Variants in UNKL observed in about 807,000 individuals in gnomAD.
UNKL encodes the protein putative E3 ubiquitin-protein ligase UNKL.
Under a neutral mutation model 78.0 loss-of-function variants are expected in UNKL, and 60 were observed. That is an observed-to-expected ratio of 0.77 (90% CI 0.63 to 0.95). The LOEUF is 0.95. UNKL is among the 40% of genes least tolerant of loss of function. The pLI is 0.00. For synonymous variants in UNKL, 608 were observed against 474.8 expected, an observed-to-expected ratio of 1.28 and a Z score of -3.65; for missense variants, 1,159 against 1,045.7, an observed-to-expected ratio of 1.11 and a Z score of -1.49.
chr16:1,403,239 G>C lies in UNKL; in HGVS notation c.393C>G (p.Cys131Trp). ...CIHETDARGH[C>W]VKNGLHCAFA... is the part of the protein sequence containing the mutation. ...AGGCACAGTGCAGCCCATTCTTCAC[G>C]CAGTGGCCACGTGCGTCTGTCTCGT... The change falls in exon 3 of 15, where the codon TGC (cysteine) becomes TGG (tryptophan). Residue 131 changes from cysteine to tryptophan, a missense_variant. By Grantham distance (215) the Cys-to-Trp change is radical (BLOSUM62 -2). Coordinates refer to ENST00000389221, the MANE Select transcript of UNKL (RefSeq NM_001372107.1). The surrounding 1 kb of genome is among the most constrained non-coding windows in gnomAD (Gnocchi z 4.8). 6.2e-7 allele frequency: 1 copy of C among 1,614,120 alleles called. No homozygotes were observed. Among genetic ancestry groups the C allele is most frequent in the Non-Finnish European group, 8.5e-7 (1 of 1,180,016 alleles).
Position 1,385,399 on chromosome 16 carries a change from T to C in UNKL, c.1087-14A>G. On this transcript the variant is annotated splice_polypyrimidine_tract_variant and intron_variant, in intron 9 of 14. Coordinates refer to ENST00000389221, the MANE Select transcript of UNKL (RefSeq NM_001372107.1). ...GGCCAGGTGGTTCTGTTCAAAGACA[T>C]AAACACCGTGAGCGCGCACCCCCTG... The C allele has an allele frequency of 1.5e-6, 2 of 1,354,844 alleles. No individual in the cohort carries two copies. Among genetic ancestry groups the C allele is most frequent in the Non-Finnish European group, 1.9e-6 (2 of 1,054,184 alleles). 83.9% of individuals were successfully genotyped at this position (1,354,844 alleles called of 1,614,324 possible). A position where few individuals can be genotyped will look rare whatever the true frequency, so the allele number is the denominator to read the frequency against.
intron 10 of UNKL, chr16:1,379,004 G>T (rs563000763): frequency 1.3e-5 from 2 of 152,274 alleles, no homozygotes; most frequent in Non-Finnish European, 2.9e-5. Flanking sequence ...GGTGAGGCTG[G>T]TCACCTAAGC....
Position 1,413,899 on chromosome 16 carries a change from G to T in UNKL, c.234C>A (p.Asp78Glu). ...RRDGTFNYSP[D>E]VYCSKYNEAT... is the part of the protein sequence containing the mutation. Reference sequence around the variant, plus strand: ...CTTCGTTGTACTTGGAGCAGTACACGTCGGGGCTGTAGTTGAAGGTGCCGT... The same window carrying T: ...CTTCGTTGTACTTGGAGCAGTACACTTCGGGGCTGTAGTTGAAGGTGCCGT... The change falls in exon 2 of 15, where the codon GAC becomes GAA. Residue 78 changes from aspartate (D) to glutamate (E), a missense_variant. Asp to Glu is a conservative substitution (Grantham distance 45). Transcript: ENST00000389221. 2 of 1,558,812 alleles carry T rather than the reference G, an allele frequency of 1.3e-6. No homozygotes were observed. The highest frequency in any genetic ancestry group is 1.2e-5 in the South Asian group (1 of 84,676).
intron 10 of UNKL, chr16:1,379,635 T>C (rs997072853): frequency 2.0e-6 from 2 of 984,180 alleles, no homozygotes; most frequent in Admixed American, 6.2e-5. Context: ...CCGCCGCCAA[T>C]GCTGACTCAC....
chr16:1,406,181 AG>A (rs2037754358), intron 2 of UNKL: 5 of 388,088 alleles, frequency 1.3e-5, no homozygotes, highest in South Asian at 7.1e-5. Context: ...GGGTGATGGG[AG>A]GAACAGGCGT....
intron 10 of UNKL, among the ~76,000 whole-genome samples, chr16:1,381,121 C>T (rs776653148): frequency 5.9e-5 from 9 of 152,184 alleles, no homozygotes; most frequent in Non-Finnish European, 8.8e-5. Flanking sequence ...AGGTCAGCTA[C>T]GCGGATGCAG....
chr16:1,370,658 C>T (rs1261189573), intron 11 of UNKL, among the ~76,000 whole-genome samples: 2 of 152,362 alleles, frequency 1.3e-5, no homozygotes, highest in East Asian at 1.9e-4. Context: ...CAGGCCCTGC[C>T]GGCCAACTAA....
chr16:1,390,716 T>C (rs1012928882), intron 8 of UNKL, 22 bp from the exon 9 acceptor site: 1 of 1,535,568 alleles, frequency 6.5e-7, no homozygotes, highest in Non-Finnish European at 8.7e-7. Context: ...AAAACAGTCA[T>C]ATGTGGAAAA....
rs1453952695 is a variant in UNKL at position 1,370,308 on chromosome 16, C to T, written c.1407G>A (p.Leu469=). The T allele has an allele frequency of 2.0e-6, 3 of 1,533,704 alleles. No homozygotes were observed. Among genetic ancestry groups the T allele is most frequent in the Non-Finnish European group, 2.6e-6 (3 of 1,145,938 alleles). The change falls in exon 12 of 15, where the codon CTG becomes CTA. Residue 469 remains leucine, a synonymous_variant. Coordinates refer to ENST00000389221, the MANE Select transcript of UNKL (RefSeq NM_001372107.1). The part of the protein sequence containing the change: ...GSAPVAIPGS[L]PRAPSLHSPS... ...GCGAGTGTAGCGATGGTGCTCTGGG[C>T]AGGGAGCCGGGGATGGCGACAGGTG...
chr16:1,370,238 G>A lies in UNKL; in HGVS notation c.1477C>T (p.Leu493Phe), dbSNP rs1274931081. ...TSPLGSLSQP[L>F]PGPVGSSAMT... ...GCTGAGGAGCCCACCGGCCCTGGGA[G>A]GGGCTGGGACAGCGAACCGAGCGGC... is the stretch of plus-strand genomic sequence containing the variant. The change falls in exon 12 of 15, where the codon CTC becomes TTC. Residue 493 changes from leucine to phenylalanine, a missense_variant. Transcript: ENST00000389221. 9.1e-6 allele frequency: 14 copies of A among 1,531,680 alleles called. No individual in the cohort carries two copies. The highest frequency in any genetic ancestry group is 1.2e-5 in the Non-Finnish European group (14 of 1,139,696). 94.9% of individuals were successfully genotyped at this position (1,531,680 alleles called of 1,614,324 possible). A position where few individuals can be genotyped will look rare whatever the true frequency, so the allele number is the denominator to read the frequency against.
chr16:1,404,343 A>C (rs967765506), intron 2 of UNKL, among the ~76,000 whole-genome samples: 3 of 152,216 alleles, frequency 2.0e-5, no homozygotes, highest in African/African-American at 4.8e-5. Flanking sequence ...CCTGGGCACT[A>C]GGAGCTCCAG....
At chr16:1,381,897 T>G (rs1286824844) in intron 10 of UNKL, among the ~76,000 whole-genome samples, 1 of 152,182 alleles carries the variant, frequency 6.6e-6, no homozygotes, top group African/African-American at 2.4e-5. Flanking sequence ...GCGAGCTGAC[T>G]GTACCACTGC....
At chr16:1,398,462 C>T (rs142983294) in intron 5 of UNKL, 6 of 1,149,018 alleles carry the variant, frequency 5.2e-6, no homozygotes, top group African/African-American at 3.3e-5. Context: ...GTCCTTTACT[C>T]GGAAGCTGCT....
At chr16:1,377,045 T>C (rs1016657481) in intron 10 of UNKL, among the ~76,000 whole-genome samples, 2 of 151,740 alleles carry the variant, frequency 1.3e-5, no homozygotes, top group South Asian at 2.1e-4. Flanking sequence ...CCAACCGAGA[T>C]AGAGTCTTGC....
chr16:1,393,079 G>C, intron 7 of UNKL, 103 bp from the exon 8 acceptor site: 1 of 1,219,344 alleles, frequency 8.2e-7, no homozygotes, highest in Non-Finnish European at 1.2e-6. Context: ...GCGCAGCCTC[G>C]TCACAATCAT....
intron 2 of UNKL, among the ~76,000 whole-genome samples, chr16:1,409,175 G>C (rs111800416): frequency 6.6e-6 from 1 of 152,206 alleles, no homozygotes; most frequent in African/African-American, 2.4e-5. Context: ...GCCTCCCAAA[G>C]TGCTGGGATT....
rs373084443 is a variant in UNKL, at chr16:1,376,140, C to T, written c.1265-4529G>A. 8.1e-5 allele frequency among the ~76,000 whole-genome samples: 12 copies of T among 147,686 alleles called. No individual in the cohort carries two copies. In the South Asian group the frequency reaches 2.6e-3, roughly 32 times the overall value. On this transcript the variant is annotated intron_variant, in intron 10 of 14. Transcript: ENST00000389221. ...TGGGGCACGCTCCTCCCTCCTCCCT[C>T]CAGGGCTGGGGCGCTCCTCCTCCCT...
rs1268594019 is a variant in UNKL at position 1,399,114 on chromosome 16, C to G, written c.734+260G>C. On this transcript the variant is annotated intron_variant, in intron 5 of 14. Coordinates refer to ENST00000389221, the MANE Select transcript of UNKL (RefSeq NM_001372107.1). The surrounding 1 kb of genome is among the most constrained non-coding windows in gnomAD (Gnocchi z 5.8). ...GGTCCCTCCTGCAGTGCTCCGTCCCCTTGCCTGGCAGAGGGGCCCCGGTAG... is the reference window on the plus strand; with the variant it reads ...GGTCCCTCCTGCAGTGCTCCGTCCCGTTGCCTGGCAGAGGGGCCCCGGTAG... 8.3e-7 allele frequency: 1 copy of G among 1,204,708 alleles called. No homozygotes were observed. 74.6% of individuals were successfully genotyped at this position (1,204,708 alleles called of 1,614,324 possible). A position where few individuals can be genotyped will look rare whatever the true frequency, so the allele number is the denominator to read the frequency against.
At chr16:1,390,032 G>C (rs2036980244) in intron 9 of UNKL, among the ~76,000 whole-genome samples, 1 of 152,044 alleles carries the variant, frequency 6.6e-6, no homozygotes, top group South Asian at 2.1e-4. Context: ...TGTCACCCAG[G>C]ATGCAGTGCA....
Sources: allele counts gnomAD v4.1 joint callset (sites outside exome capture counted in the v4.1 genomes callset), GRCh38; gene constraint gnomAD v4.1.1; non-coding constraint Gnocchi (gnomAD v3.1); transcripts MANE v1.5; gene names NCBI Gene and HGNC (gene_info 2026-07-23, HGNC 2026-07-21).